The following ZFYVE27 variants were observed in gnomAD, a reference collection of about 807,000 sequenced individuals.
The protein encoded by ZFYVE27 is zinc finger FYVE-type containing 27, also known as protrudin.
In ZFYVE27, 36 loss-of-function variants were observed where a neutral mutation model predicts 52.8. That is an observed-to-expected ratio of 0.68 (90% CI 0.52 to 0.90). The LOEUF (loss-of-function observed/expected upper bound fraction) is 0.90, where lower values mean the gene tolerates loss of function less well. ZFYVE27 is among the 40% of genes least tolerant of loss of function. The probability of loss-of-function intolerance (pLI) is 0.00; values close to 1 mark genes in which losing one functional copy is unlikely to be tolerated. For synonymous variants in ZFYVE27, 223 were observed against 215.6 expected, an observed-to-expected ratio of 1.03 and a Z score of -0.30; for missense variants, 450 against 527.2, an observed-to-expected ratio of 0.85 and a Z score of 1.43.
chr10:97,752,866 T>G lies in ZFYVE27; in HGVS notation c.886T>G (p.Leu296Val). Residue 296 changes from leucine (L) to valine (V), a missense_variant, in exon 9 of 13, where the codon TTG becomes GTG. By Grantham distance (32) the Leu-to-Val change is conservative. Coordinates refer to ENST00000684270, the MANE Select transcript of ZFYVE27 (RefSeq NM_001385875.1). Reference sequence around the variant, plus strand: ...GCACCTTGGGAGGCAGGAGACCCACTTGGTGGTGCTGGTAAGTGGAAGCCT... The same window carrying G: ...GCACCTTGGGAGGCAGGAGACCCACGTGGTGGTGCTGGTAAGTGGAAGCCT... ...EFKDAIEETH[L>V]VVLEDDEGAP... 1 of 1,613,768 alleles carries G rather than the reference T, an allele frequency of 6.2e-7. No individual in the cohort carries two copies. The highest frequency in any genetic ancestry group is 8.5e-7 in the Non-Finnish European group (1 of 1,179,916).
chr10:97,753,643 C>T (rs184498860), intron 10 of ZFYVE27, among the ~76,000 whole-genome samples: 30 of 152,262 alleles, frequency 2.0e-4, no homozygotes, highest in Admixed American at 3.9e-4. Flanking sequence ...TCATTCTTAC[C>T]TCATAGGGTT....
At chr10:97,739,475 A>G (rs1413958245) in intron 2 of ZFYVE27, among the ~76,000 whole-genome samples, 2 of 152,064 alleles carry the variant, frequency 1.3e-5, no homozygotes, top group Non-Finnish European at 2.9e-5. Flanking sequence ...TCATTTTATT[A>G]TGTTAAAATT....
chr10:97,750,595 C>T, intron 7 of ZFYVE27, 125 bp downstream of exon 7: 2 of 1,243,574 alleles, frequency 1.6e-6, no homozygotes, highest in South Asian at 2.7e-5. Context: ...CTTAACTCCC[C>T]TGAAGTGTTC....
rs570020375 is a variant in ZFYVE27, at chr10:97,752,719, A to AC, written c.877-136dup. 48 of 991,864 alleles carry AC rather than the reference A, an allele frequency of 4.8e-5. No homozygotes were observed. The South Asian group carries it at 6.5e-4, about 13-fold the overall frequency. The allele number at this position is 991,864 out of a possible 1,614,324, so 61.4% of individuals were successfully genotyped here. A position where few individuals can be genotyped will look rare whatever the true frequency, so the allele number is the denominator to read the frequency against. On this transcript the variant is annotated intron_variant, in intron 8 of 12. Coordinates refer to ENST00000684270, the MANE Select transcript of ZFYVE27 (RefSeq NM_001385875.1). The stretch of plus-strand genomic sequence containing the variant: ...CTTGTGGGGGGCGTCTGTCAATGTC[A>AC]CCATTTGGGAAGTGCGCAGAGCTCA...
rs1161345337 is a variant in ZFYVE27 at position 97,748,212 on chromosome 10, G to T, written c.456-57G>T. 3 of 1,554,284 alleles carry T rather than the reference G, an allele frequency of 1.9e-6. No individual in the cohort carries two copies. The East Asian group carries it at 6.7e-5, about 35-fold the overall frequency. ...AGCCAACTGTACCTGCAAGGCCCCA[G>T]GCTCCACTTCCCAGGGCTTCTGTCC... On this transcript the variant is annotated intron_variant, in intron 4 of 12. Coordinates refer to ENST00000684270, the MANE Select transcript of ZFYVE27 (RefSeq NM_001385875.1).
chr10:97,760,271 G>T lies in ZFYVE27; in HGVS notation c.*971G>T, dbSNP rs1367449327. 6.6e-6 allele frequency: 1 copy of T among 150,390 alleles called. No homozygotes were observed. The highest frequency in any genetic ancestry group is 2.4e-5 in the African/African-American group (1 of 40,822). The allele number at this position is 150,390 out of a possible 1,614,324, so 9.3% of individuals were successfully genotyped here. On this transcript the variant is annotated 3_prime_UTR_variant, in exon 13 of 13. Transcript: ENST00000684270. ...TAGGATCTCGCTGGGCTGGGTCCTG[G>T]ATTCCAGGGCTATTCCCTGGAGGAC...
chr10:97,749,149 G>A (rs893655090), intron 5 of ZFYVE27, among the ~76,000 whole-genome samples: 1 of 152,198 alleles, frequency 6.6e-6, no homozygotes, highest in Non-Finnish European at 1.5e-5. Context: ...CTCAGAATGA[G>A]AAGTGGCAGA....
rs1471947287 is a variant in ZFYVE27, at chr10:97,757,127, G to T, written c.1043-138G>T. On this transcript the variant is annotated intron_variant, in intron 10 of 12. Coordinates refer to ENST00000684270, the MANE Select transcript of ZFYVE27 (RefSeq NM_001385875.1). Reference sequence around the variant, plus strand: ...GTCCTTCTTTCTGTCTCTGAATCTGGCCTTGCTCCCTGGCTCACTGTGTCC... The same window carrying T: ...GTCCTTCTTTCTGTCTCTGAATCTGTCCTTGCTCCCTGGCTCACTGTGTCC... 2.6e-6 allele frequency: 3 copies of T among 1,152,742 alleles called. No individual in the cohort carries two copies. In the East Asian group the frequency reaches 7.1e-5, roughly 27 times the overall value. The allele number at this position is 1,152,742 out of a possible 1,614,324, so 71.4% of individuals were successfully genotyped here.
intron 4 of ZFYVE27, among the ~76,000 whole-genome samples, chr10:97,745,336 C>G (rs188760047): frequency 1.3e-5 from 2 of 151,648 alleles, no homozygotes; most frequent in African/African-American, 4.9e-5. Context: ...CACACCACCA[C>G]GCCCAGCTAA....
intron 2 of ZFYVE27, among the ~76,000 whole-genome samples, chr10:97,741,084 A>G (rs1035076882): frequency 6.6e-6 from 1 of 152,212 alleles, no homozygotes; most frequent in African/African-American, 2.4e-5. Flanking sequence ...GTTGAATTTC[A>G]GGAGAAAGAC....
At chr10:97,750,223 TG>T in intron 6 of ZFYVE27, 107 bp from the exon 7 acceptor site, 1 of 1,411,104 alleles carries the variant, frequency 7.1e-7, no homozygotes, top group Non-Finnish European at 9.9e-7. Flanking sequence ...GACTCTTTCC[TG>T]TAGTGAAGGG....
intron 4 of ZFYVE27, among the ~76,000 whole-genome samples, chr10:97,746,650 G>A (rs1162663284): frequency 6.7e-6 from 1 of 150,016 alleles, no homozygotes; most frequent in Non-Finnish European, 1.5e-5. Flanking sequence ...TATTAATAAA[G>A]TTCTTTTTCT....
In ZFYVE27 at chr10:97,749,566, G is replaced by T. The variant is rs540665491; in HGVS notation, c.644G>T (p.Gly215Val). The T allele has an allele frequency of 1.2e-6, 2 of 1,614,156 alleles. No individual in the cohort carries two copies. The highest frequency in any genetic ancestry group is 2.2e-5 in the East Asian group (1 of 44,882). ...CTTTTAAACAGCACGCTCTTTCTGG[G>T]GAATGTGGAGTTCTTCCGAGGTAAG... ...LTLLNSTLFLGNVEFFRVVSE... is the reference protein window; with the variant it reads ...LTLLNSTLFLVNVEFFRVVSE... Residue 215 changes from glycine to valine, a missense_variant, in exon 6 of 13, where the codon GGG (glycine) becomes GTG (valine). Transcript: ENST00000684270.
rs549401383 is a variant in ZFYVE27 at position 97,742,062 on chromosome 10, G to A, written c.198-1032G>A. Reference sequence around the variant, plus strand: ...ACAGAATCGCTTGAACCCAGGAGGCGGGGGTTGTAGTGAACCAAGATTGTG... The same window carrying A: ...ACAGAATCGCTTGAACCCAGGAGGCAGGGGTTGTAGTGAACCAAGATTGTG... On this transcript the variant is annotated intron_variant, in intron 2 of 12. Coordinates refer to ENST00000684270, the MANE Select transcript of ZFYVE27 (RefSeq NM_001385875.1). Among the ~76,000 whole-genome samples the A allele has an allele frequency of 9.2e-5, 14 of 151,954 alleles. No homozygotes were observed. The East Asian group carries it at 1.9e-3, about 21-fold the overall frequency.
intron 2 of ZFYVE27, 97 bp from the exon 3 acceptor site, chr10:97,742,997 T>C (rs2044157003): frequency 3.0e-6 from 4 of 1,320,796 alleles, no homozygotes; most frequent in Non-Finnish European, 4.4e-6. Flanking sequence ...GTTCCAGGCC[T>C]CCTCTTCTGG....
intron 10 of ZFYVE27, chr10:97,754,824 A>C: frequency 7.8e-7 from 1 of 1,288,584 alleles, no homozygotes; most frequent in South Asian, 1.2e-5. Context: ...TGGTCCAGCA[A>C]ATAATTTGTC....
chr10:97,747,427 G>T (rs919073368), intron 4 of ZFYVE27, among the ~76,000 whole-genome samples: 2 of 152,138 alleles, frequency 1.3e-5, no homozygotes, highest in East Asian at 1.9e-4. Flanking sequence ...GATGGGTCTT[G>T]CCTTAATCAG....
chr10:97,751,589 C>T (rs1019444531), intron 8 of ZFYVE27, 127 bp downstream of exon 8: 4 of 935,586 alleles, frequency 4.3e-6, no homozygotes, highest in South Asian at 4.2e-5. Context: ...CTAGAACTCA[C>T]TGGTTGAAAG....
At chr10:97,744,215 G>A (rs988392901) in intron 3 of ZFYVE27, among the ~76,000 whole-genome samples, 8 of 152,204 alleles carry the variant, frequency 5.3e-5, no homozygotes, top group African/African-American at 1.9e-4. Flanking sequence ...TTGTTGGGGT[G>A]CCATGTTACA....
Sources: allele counts gnomAD v4.1 joint callset (sites outside exome capture counted in the v4.1 genomes callset), GRCh38; gene constraint gnomAD v4.1.1; transcripts MANE v1.5; gene names NCBI Gene and HGNC (gene_info 2026-07-23, HGNC 2026-07-21).